Variants in RNF10 observed in about 807,000 individuals in gnomAD.
RNF10 encodes ring finger protein 10, also known as E3 ubiquitin-protein ligase RNF10.
A neutral mutation model predicts 91.4 loss-of-function variants in RNF10; 38 were observed. The observed-to-expected ratio is 0.42, with a 90% CI of 0.32 to 0.54. The LOEUF is 0.54. Ranked by LOEUF, RNF10 falls within the 20% of genes least tolerant of loss-of-function variation. RNF10 has a pLI of 0.16. For missense variants in RNF10, 945 were observed against 1,012.0 expected (o/e 0.93, Z 0.90); for synonymous variants, 364 against 366.3 (o/e 0.99, Z 0.07).
intron 2 of RNF10, among the ~76,000 whole-genome samples, chr12:120,547,325 A>T (rs888838453): frequency 5.9e-5 from 9 of 152,172 alleles, no homozygotes; most frequent in Admixed American, 3.9e-4. Flanking sequence ...CTCTGTTTTA[A>T]GATGGTCTTG....
rs1187472312 is a variant in RNF10, at chr12:120,577,220, C to A, written c.*554C>A. ...TCTGACACATGGCCAGGCTGTGGTG[C>A]CAGCTTAATGGAGTAGGCTGTCCTT... On this transcript the variant is annotated 3_prime_UTR_variant, in exon 17 of 17. Transcript: ENST00000325954. The A allele has an allele frequency of 4.4e-6, 2 of 452,390 alleles. No individual in the cohort carries two copies. The highest frequency in any genetic ancestry group is 1.6e-5 in the South Asian group (1 of 63,990). The allele number at this position is 452,390 out of a possible 1,614,324, so 28.0% of individuals were successfully genotyped here.
Position 120,552,648 on chromosome 12 carries a change from G to A in RNF10, c.504G>A (p.Arg168=), listed in dbSNP as rs746663122. The A allele has an allele frequency of 4.9e-5, 79 of 1,613,938 alleles. No individual in the cohort carries two copies. In the Admixed American group the frequency reaches 1.2e-3, roughly 25 times the overall value. The change falls in exon 3 of 17, where the codon AGG becomes AGA. Residue 168 remains arginine (R), a synonymous_variant. Coordinates refer to ENST00000325954, the MANE Select transcript of RNF10 (RefSeq NM_014868.5). ...GTGGACATGGTAGCTGGGGAAAGAGGAACAAGTGGGGACATAAGCCTTTTA... is the reference window on the plus strand; with the variant it reads ...GTGGACATGGTAGCTGGGGAAAGAGAAACAAGTGGGGACATAAGCCTTTTA... The part of the protein sequence containing the change: ...EGSGHGSWGK[R]NKWGHKPFNK...
At chr12:120,550,223 T>TA (rs1421004618) in intron 2 of RNF10, among the ~76,000 whole-genome samples, 1 of 152,140 alleles carries the variant, frequency 6.6e-6, no homozygotes, top group African/African-American at 2.4e-5. Context: ...TGTTGGACAT[T>TA]ACAGCTGTAG....
chr12:120,567,017 T>TAA, intron 13 of RNF10, 37 bp downstream of exon 13: 1 of 1,582,608 alleles, frequency 6.3e-7, no homozygotes, highest in Non-Finnish European at 8.6e-7. Flanking sequence ...ACCCATCAGT[T>TAA]AGACCTTATG....
At chr12:120,551,815 C>G (rs976482982) in intron 2 of RNF10, among the ~76,000 whole-genome samples, 2 of 151,900 alleles carry the variant, frequency 1.3e-5, no homozygotes, top group Admixed American at 1.3e-4. Context: ...TTTTTAAAGA[C>G]TGTATTACTC....
chr12:120,543,146 C>CTA (rs1871812022), intron 1 of RNF10, among the ~76,000 whole-genome samples: 2 of 152,040 alleles, frequency 1.3e-5, no homozygotes, highest in South Asian at 4.1e-4. Flanking sequence ...ATTTAGCCTG[C>CTA]TATAAAAAGC....
chr12:120,551,839 C>G (rs1387929259), intron 2 of RNF10, among the ~76,000 whole-genome samples: 2 of 152,040 alleles, frequency 1.3e-5, no homozygotes, highest in East Asian at 3.9e-4. Context: ...TCTCTCATTG[C>G]TATTAAGAAC....
At chr12:120,556,264 G>A (rs982113177) in intron 4 of RNF10, among the ~76,000 whole-genome samples, 1 of 151,552 alleles carries the variant, frequency 6.6e-6, no homozygotes, top group African/African-American at 2.4e-5. Flanking sequence ...GCCGGGCGCG[G>A]TGGCTCACGC....
At chr12:120,559,871 A>G (rs1172519342) in intron 6 of RNF10, among the ~76,000 whole-genome samples, 1 of 149,938 alleles carries the variant, frequency 6.7e-6, no homozygotes, top group African/African-American at 2.5e-5. Context: ...AATTTTTTGT[A>G]TTTTTAATAG....
chr12:120,565,911 A>T (rs979411775), intron 12 of RNF10, among the ~76,000 whole-genome samples: 2 of 152,208 alleles, frequency 1.3e-5, no homozygotes, highest in African/African-American at 4.8e-5. Flanking sequence ...GGTGGGTCTG[A>T]TAAGATGGAA....
Position 120,560,720 on chromosome 12 carries a change from T to G in RNF10, c.968-6T>G. On this transcript the variant is annotated splice_polypyrimidine_tract_variant and splice_region_variant and intron_variant, in intron 6 of 16. Transcript: ENST00000325954. ...CATTTCTTTGATCTTGCTGGCATTC[T>G]TATAGATGAACAGCACAGCCAGTAC... The G allele has an allele frequency of 1.9e-6, 3 of 1,610,432 alleles. No homozygotes were observed. Among genetic ancestry groups the G allele is most frequent in the Non-Finnish European group, 2.5e-6 (3 of 1,177,202 alleles).
chr12:120,570,981 C>T (rs1876531502), intron 13 of RNF10, among the ~76,000 whole-genome samples: 1 of 152,084 alleles, frequency 6.6e-6, no homozygotes, highest in Admixed American at 6.5e-5. Context: ...AAGCTCTTCC[C>T]TCTTCCTGTA....
rs1415433665 is a variant in RNF10, at chr12:120,560,845, C to G, written c.1087C>G (p.Pro363Ala). The G allele has an allele frequency of 6.2e-7, 1 of 1,614,126 alleles. No individual in the cohort carries two copies. The highest frequency in any genetic ancestry group is 8.5e-7 in the Non-Finnish European group (1 of 1,180,024). ...GCAGCTGGCAGAGGAGAAGCACACT[C>G]CCGAGTCCTGCTTTATTGAGGCAGC... ...EQQLAEEKHT[P>A]ESCFIEAAIQ... The change falls in exon 7 of 17, where the codon CCC (proline) becomes GCC (alanine). Residue 363 changes from proline to alanine, a missense_variant. Physicochemically the swap from Pro to Ala is conservative, Grantham distance 27 (BLOSUM62 -1). Transcript: ENST00000325954.
chr12:120,534,771 C>T lies in RNF10; in HGVS notation c.-41C>T, dbSNP rs1239582090. ...CCATGAGCCTGGGTCCCCGCCGCGC[C>T]CGCTCCGCTCCGACTGCCGTCGCCG... On this transcript the variant is annotated 5_prime_UTR_variant, in exon 1 of 17. Transcript: ENST00000325954. 4.6e-6 allele frequency: 7 copies of T among 1,527,098 alleles called. No homozygotes were observed. Among genetic ancestry groups the T allele is most frequent in the Admixed American group, 4.1e-5 (2 of 48,406 alleles). 94.6% of individuals were successfully genotyped at this position (1,527,098 alleles called of 1,614,324 possible). A position where few individuals can be genotyped will look rare whatever the true frequency, so the allele number is the denominator to read the frequency against.
chr12:120,559,573 C>A (rs1242979301), intron 6 of RNF10, among the ~76,000 whole-genome samples: 4 of 151,902 alleles, frequency 2.6e-5, no homozygotes, highest in African/African-American at 9.7e-5. Context: ...TTAGTAGAGA[C>A]GGGGTTTCAC....
intron 11 of RNF10, 38 bp downstream of exon 11, chr12:120,565,227 G>A: frequency 5.6e-6 from 8 of 1,429,202 alleles, no homozygotes; most frequent in Non-Finnish European, 7.9e-6. Context: ...TTATAGTAGG[G>A]TTCAGGGATT....
chr12:120,574,275 G>A lies in RNF10; in HGVS notation c.2143-1356G>A, dbSNP rs1877073698. Reference sequence around the variant, plus strand: ...TTGGAATATATGATTTAAGGACAAGGCATCCCTGCTTGAACCCCATGGGGT... The same window carrying A: ...TTGGAATATATGATTTAAGGACAAGACATCCCTGCTTGAACCCCATGGGGT... On this transcript the variant is annotated intron_variant, in intron 14 of 16. Coordinates refer to ENST00000325954, the MANE Select transcript of RNF10 (RefSeq NM_014868.5). 2.0e-5 allele frequency among the ~76,000 whole-genome samples: 3 copies of A among 152,146 alleles called. No homozygotes were observed. The South Asian group carries it at 6.2e-4, about 32-fold the overall frequency.
At chr12:120,566,710 A>C (rs1340420479) in intron 12 of RNF10, 115 bp from the exon 13 acceptor site, 5 of 979,240 alleles carry the variant, frequency 5.1e-6, no homozygotes, top group Non-Finnish European at 7.7e-6. Flanking sequence ...TGCAGTGAAC[A>C]GAGATCGTAC....
At chr12:120,553,935 C>T (rs1873576100) in intron 3 of RNF10, 1 of 143,558 alleles carries the variant, frequency 7.0e-6, no homozygotes, top group South Asian at 2.2e-4. Context: ...GACAGAGTCT[C>T]CCTCTGTCGC....
Sources: allele counts gnomAD v4.1 joint callset (sites outside exome capture counted in the v4.1 genomes callset), GRCh38; gene constraint gnomAD v4.1.1; transcripts MANE v1.5; gene names NCBI Gene and HGNC (gene_info 2026-07-23, HGNC 2026-07-21).